IL27: variants seen among roughly 807,000 people sequenced by gnomAD.
The protein encoded by IL27 is interleukin-27 subunit alpha.
Under a neutral mutation model 27.0 loss-of-function variants are expected in IL27, and 11 were observed. The observed-to-expected ratio is 0.41, with a 90% CI of 0.26 to 0.67. IL27 has a LOEUF of 0.67. Among genes scored for constraint, IL27 ranks in the 30% least tolerant of loss-of-function variants. The probability of loss-of-function intolerance (pLI) is 0.34; values close to 1 mark genes in which losing one functional copy is unlikely to be tolerated. For missense variants in IL27, 299 were observed against 310.4 expected (o/e 0.96, Z 0.28); for synonymous variants, 134 against 140.6 (o/e 0.95, Z 0.33).
In IL27 at chr16:28,504,060, T is replaced by C. The variant is rs749031812; in HGVS notation, c.32-10A>G. ...AGCAACAGGCTGAGCCCTGGAGAGATGGGAAGAGGGTGGCAAGACAGGGAG... is the reference window on the plus strand; with the variant it reads ...AGCAACAGGCTGAGCCCTGGAGAGACGGGAAGAGGGTGGCAAGACAGGGAG... On this transcript the variant is annotated splice_polypyrimidine_tract_variant and intron_variant, in intron 1 of 4. Coordinates refer to ENST00000356897, the MANE Select transcript of IL27 (RefSeq NM_145659.3). The C allele has an allele frequency of 6.3e-7, 1 of 1,581,932 alleles. No homozygotes were observed. Among genetic ancestry groups the C allele is most frequent in the Non-Finnish European group, 8.6e-7 (1 of 1,162,916 alleles).
At position 28,499,849 on chromosome 16, in the gene IL27, C is replaced by G; in HGVS notation, c.534G>C (p.Lys178Asn). The change falls in exon 5 of 5, where the codon AAG (lysine) becomes AAC (asparagine). Residue 178 changes from lysine (K) to asparagine (N), a missense_variant. Physicochemically the swap from Lys to Asn is moderately conservative, Grantham distance 94. Transcript: ENST00000356897. Reference sequence around the variant, plus strand: ...TGCCCAGTGCCCCTGGGAGCAGCCCCTTCCTCTCCTCCTCCTCCTCCTCCT... The same window carrying G: ...TGCCCAGTGCCCCTGGGAGCAGCCCGTTCCTCTCCTCCTCCTCCTCCTCCT... ...EEEEEEEEER[K>N]GLLPGALGSA... The G allele has an allele frequency of 6.4e-7, 1 of 1,563,102 alleles. No homozygotes were observed. Among genetic ancestry groups the G allele is most frequent in the Non-Finnish European group, 8.7e-7 (1 of 1,153,830 alleles).
At chr16:28,502,536 A>C (rs1276060672) in intron 3 of IL27, among the ~76,000 whole-genome samples, 1 of 149,460 alleles carries the variant, frequency 6.7e-6, no homozygotes, top group Non-Finnish European at 1.5e-5. Context: ...GCCCAGACTC[A>C]CTCTTTCCAT....
chr16:28,500,223 G>T (rs935612851), intron 4 of IL27, among the ~76,000 whole-genome samples: 1 of 152,154 alleles, frequency 6.6e-6, no homozygotes, highest in Non-Finnish European at 1.5e-5. Context: ...CTTTTGGGTC[G>T]GGTCAGCAAC....
chr16:28,504,137 A>T, intron 1 of IL27, 87 bp from the exon 2 acceptor site: 5 of 1,351,104 alleles, frequency 3.7e-6, no homozygotes, highest in Non-Finnish European at 5.0e-6. Context: ...GCTAGCTGTG[A>T]GCACGGTGCA....
At chr16:28,502,968 G>A (rs913447551) in intron 3 of IL27, among the ~76,000 whole-genome samples, 2 of 151,954 alleles carry the variant, frequency 1.3e-5, no homozygotes, top group Non-Finnish European at 2.9e-5. Flanking sequence ...GATTACAGGC[G>A]CACAGCACCA....
intron 1 of IL27, among the ~76,000 whole-genome samples, chr16:28,505,910 A>T (rs2046458442): frequency 1.3e-5 from 2 of 151,972 alleles, no homozygotes; most frequent in Admixed American, 6.6e-5. Flanking sequence ...GCTTCTAGGG[A>T]CATCTACCTC....
intron 4 of IL27, among the ~76,000 whole-genome samples, chr16:28,501,322 C>A (rs183748542): frequency 1.1e-3 from 167 of 151,462 alleles, no homozygotes; most frequent in East Asian, 4.9e-3. Flanking sequence ...ATTCACACAC[C>A]CACCCACACA....
rs375571365 is a variant in IL27 at position 28,502,102 on chromosome 16, C to T, written c.336G>A (p.Thr112=). Residue 112 remains threonine, a synonymous_variant, in exon 4 of 5, where the codon ACG becomes ACA. Coordinates refer to ENST00000356897, the MANE Select transcript of IL27 (RefSeq NM_145659.3). ...CCAGCAGGGCATGGAAGGGCTGAAGCGTGGTGGAGATGAAGCAGAGACGCT... is the reference window on the plus strand; with the variant it reads ...CCAGCAGGGCATGGAAGGGCTGAAGTGTGGTGGAGATGAAGCAGAGACGCT... The part of the protein sequence containing the change: ...DPERLCFIST[T]LQPFHALLGG... 3 of 1,612,684 alleles carry T rather than the reference C, an allele frequency of 1.9e-6. No individual in the cohort carries two copies. Among genetic ancestry groups the T allele is most frequent in the Non-Finnish European group, 2.5e-6 (3 of 1,179,406 alleles).
intron 4 of IL27, 115 bp from the exon 5 acceptor site, chr16:28,500,035 T>G (rs2046421993): frequency 1.0e-5 from 14 of 1,333,836 alleles, no homozygotes; most frequent in Non-Finnish European, 1.3e-5. Flanking sequence ...AAGGTCATGA[T>G]TTCCCCGGAC....
chr16:28,500,885 C>T (rs1048917932), intron 4 of IL27, among the ~76,000 whole-genome samples: 1 of 152,146 alleles, frequency 6.6e-6, no homozygotes, highest in Non-Finnish European at 1.5e-5. Context: ...ACACTCATTC[C>T]CATACAGTCA....
Position 28,499,493 on chromosome 16 carries a change from A to G in IL27, c.*158T>C, listed in dbSNP as rs532963354. 1.3e-3 allele frequency: 741 copies of G among 587,616 alleles called. 3 individuals carry two copies. Among genetic ancestry groups the G allele is most frequent in the Non-Finnish European group, 5.5e-4 (180 of 325,036 alleles). The allele number at this position is 587,616 out of a possible 1,614,324, so 36.4% of individuals were successfully genotyped here. On this transcript the variant is annotated 3_prime_UTR_variant, in exon 5 of 5. Coordinates refer to ENST00000356897, the MANE Select transcript of IL27 (RefSeq NM_145659.3). ...ATATCCAAGAAATAAATAGCTGGCG[A>G]GGACCAGAGGGGCTTTCAGTTACTG... is the stretch of plus-strand genomic sequence containing the variant.
chr16:28,503,910 G>A lies in IL27; in HGVS notation c.172C>T (p.Leu58Phe). 1 of 1,614,228 alleles carries A rather than the reference G, an allele frequency of 6.2e-7. No individual in the cohort carries two copies. Among genetic ancestry groups the A allele is most frequent in the Non-Finnish European group, 8.5e-7 (1 of 1,180,040 alleles). Residue 58 changes from leucine to phenylalanine, a missense_variant, in exon 2 of 5, where the codon CTC (leucine) becomes TTC (phenylalanine). Leu to Phe is a conservative substitution (Grantham distance 22). Transcript: ENST00000356897. ...TGGGCCTGGCCCCGAACCTCGGAGAGCAGCTTCCTGGCGAGATGCAGGCTG... is the reference window on the plus strand; with the variant it reads ...TGGGCCTGGCCCCGAACCTCGGAGAACAGCTTCCTGGCGAGATGCAGGCTG... Reference protein sequence around the residue: ...TVSLHLARKLLSEVRGQAHRF... With the variant: ...TVSLHLARKLFSEVRGQAHRF...
intron 4 of IL27, among the ~76,000 whole-genome samples, chr16:28,501,705 T>TCACTCCCACACAGC (rs2046431584): frequency 7.0e-6 from 1 of 143,870 alleles, no homozygotes; most frequent in African/African-American, 2.6e-5. Flanking sequence ...GCACTCACAG[T>TCACTCCCACACAGC]CACTCCCACA....
rs193146467 is a variant in IL27, at chr16:28,504,545, G to A, written c.32-495C>T. ...AGCACGGCCCCCATATGGCATCTCC[G>A]CATGGTGTGCCCACTTTTGCAAAAA... is the stretch of plus-strand genomic sequence containing the variant. On this transcript the variant is annotated intron_variant, in intron 1 of 4. Coordinates refer to ENST00000356897, the MANE Select transcript of IL27 (RefSeq NM_145659.3). Among the ~76,000 whole-genome samples the A allele has an allele frequency of 1.7e-3, 263 of 150,664 alleles. 1 individual carries two copies. Among genetic ancestry groups the A allele is most frequent in the South Asian group, 6.9e-3 (33 of 4,770 alleles).
At chr16:28,506,368 T>C (rs1392562658) in intron 1 of IL27, among the ~76,000 whole-genome samples, 4 of 152,176 alleles carry the variant, frequency 2.6e-5, no homozygotes, top group East Asian at 1.9e-4. Flanking sequence ...CCAGTGAGGC[T>C]GCTGACATCT....
At chr16:28,501,591 A>G (rs2046430561) in intron 4 of IL27, among the ~76,000 whole-genome samples, 1 of 141,326 alleles carries the variant, frequency 7.1e-6, no homozygotes. Flanking sequence ...ACACCCACAC[A>G]CTCTCACAGT....
intron 4 of IL27, among the ~76,000 whole-genome samples, chr16:28,501,466 A>G (rs920983217): frequency 3.3e-5 from 5 of 149,864 alleles, no homozygotes; most frequent in Admixed American, 3.3e-4. Context: ...ACACACTCAC[A>G]GCCACACACT....
chr16:28,505,147 A>G (rs574940534), intron 1 of IL27, among the ~76,000 whole-genome samples: 24 of 152,278 alleles, frequency 1.6e-4, no homozygotes, highest in Non-Finnish European at 2.8e-4. Flanking sequence ...TGGGCACACC[A>G]TGTTCTGGCA....
Position 28,500,085 on chromosome 16 carries a change from G to A in IL27, c.463-165C>T, listed in dbSNP as rs188668515. Among the ~76,000 whole-genome samples the A allele has an allele frequency of 3.2e-3, 480 of 152,270 alleles. 2 individuals are homozygous for A. Among genetic ancestry groups the A allele is most frequent in the South Asian group, 0.012 (60 of 4,830 alleles). Reference sequence around the variant, plus strand: ...CTTCCATGATGTCACCTGCTAACGCGTCTCACCTGATCTTTCAGTTCGAGA... The same window carrying A: ...CTTCCATGATGTCACCTGCTAACGCATCTCACCTGATCTTTCAGTTCGAGA... On this transcript the variant is annotated intron_variant, in intron 4 of 4. Transcript: ENST00000356897.
Sources: gnomAD v4.1 joint callset for allele counts (sites outside exome capture counted in the v4.1 genomes callset) on GRCh38, gnomAD v4.1.1 for gene constraint, MANE v1.5 for transcripts, NCBI Gene and HGNC (gene_info 2026-07-23, HGNC 2026-07-21) for gene names.